Variants in MYO5B observed in about 807,000 individuals in gnomAD.
MYO5B encodes unconventional myosin-Vb.
A neutral mutation model predicts 229.3 loss-of-function variants in MYO5B; 143 were observed. That is an observed-to-expected ratio of 0.62 (90% CI 0.54 to 0.72). The LOEUF (loss-of-function observed/expected upper bound fraction) is 0.72, where lower values mean the gene tolerates loss of function less well. MYO5B is among the 30% of genes least tolerant of loss of function. The pLI is 0.00. For synonymous variants in MYO5B, 918 were observed against 885.2 expected, an observed-to-expected ratio of 1.04 and a Z score of -0.66; for missense variants, 2,321 against 2,331.0, an observed-to-expected ratio of 1.00 and a Z score of 0.09.
chr18:50,007,571 G>C (rs1181103889), intron 4 of MYO5B, among the ~76,000 whole-genome samples: 2 of 152,140 alleles, frequency 1.3e-5, no homozygotes, highest in African/African-American at 4.8e-5. Flanking sequence ...GGCCCTGGGG[G>C]ACCGAGCACC....
intron 30 of MYO5B, among the ~76,000 whole-genome samples, chr18:49,856,091 C>A (rs1371306195): frequency 1.3e-5 from 2 of 152,248 alleles, no homozygotes; most frequent in Non-Finnish European, 2.9e-5. Context: ...TTGCTGCATG[C>A]CTACCCTGTC....
At chr18:49,928,489 C>G (rs1056559457) in intron 17 of MYO5B, among the ~76,000 whole-genome samples, 1 of 152,120 alleles carries the variant, frequency 6.6e-6, no homozygotes, top group Non-Finnish European at 1.5e-5. Flanking sequence ...ACTAAAAATA[C>G]AAAAATTAGC....
At chr18:50,132,167 C>A (rs1204725007) in intron 1 of MYO5B, among the ~76,000 whole-genome samples, 1 of 152,200 alleles carries the variant, frequency 6.6e-6, no homozygotes, top group African/African-American at 2.4e-5. Flanking sequence ...CATTATCCCC[C>A]AAACCCTCAC....
At chr18:50,134,448 G>T (rs905538810) in intron 1 of MYO5B, among the ~76,000 whole-genome samples, 1 of 151,800 alleles carries the variant, frequency 6.6e-6, no homozygotes, top group Non-Finnish European at 1.5e-5. Context: ...CCAGCTACTC[G>T]GGAGGCTGAG....
chr18:50,106,310 T>C (rs78268095), intron 1 of MYO5B, among the ~76,000 whole-genome samples: 6 of 152,154 alleles, frequency 3.9e-5, no homozygotes. Context: ...TTCTCCTTAC[T>C]GCAGCCAAAG....
intron 1 of MYO5B, among the ~76,000 whole-genome samples, chr18:50,079,841 C>A (rs1336914676): frequency 6.6e-6 from 1 of 152,154 alleles, no homozygotes; most frequent in African/African-American, 2.4e-5. Context: ...TGCCTGCCTG[C>A]CCTCCTTAAT....
intron 1 of MYO5B, 117 bp downstream of exon 1, chr18:50,194,650 G>A (rs1438695321): frequency 4.4e-6 from 3 of 678,914 alleles, no homozygotes; most frequent in East Asian, 3.3e-5. Flanking sequence ...CACCGCGGAG[G>A]GGGGTCTCCC....
intron 10 of MYO5B, among the ~76,000 whole-genome samples, chr18:49,967,843 G>C (rs1303335521): frequency 6.6e-6 from 1 of 150,660 alleles, no homozygotes. Flanking sequence ...TCTGTGCCTA[G>C]ATGCCCCCAC....
At chr18:50,056,368 T>C (rs956520403) in intron 1 of MYO5B, among the ~76,000 whole-genome samples, 2 of 152,180 alleles carry the variant, frequency 1.3e-5, no homozygotes, top group African/African-American at 4.8e-5. Flanking sequence ...ACATAAAAGC[T>C]CCCAGAGACA....
rs114256115 is a variant in MYO5B, at chr18:50,119,336, G to A, written c.28-63958C>T. ...TACCCTACAGGTTTCACATCCTTCA[G>A]CTTCCTATTCTTGTAATCCTCAACA... On this transcript the variant is annotated intron_variant, in intron 1 of 39. Coordinates refer to ENST00000285039, the MANE Select transcript of MYO5B (RefSeq NM_001080467.3). Among the ~76,000 whole-genome samples, 851 of 152,274 alleles carry A rather than the reference G, an allele frequency of 5.6e-3. 11 individuals are homozygous for A. The highest frequency in any genetic ancestry group is 0.02 in the African/African-American group (825 of 41,540).
intron 4 of MYO5B, among the ~76,000 whole-genome samples, chr18:50,018,725 C>T (rs1458841106): frequency 1.3e-5 from 2 of 152,172 alleles, no homozygotes; most frequent in African/African-American, 4.8e-5. Context: ...TCTAAGCTAT[C>T]ACATCACACT....
At chr18:49,975,968 T>G (rs2000900) in intron 9 of MYO5B, among the ~76,000 whole-genome samples, 132,393 of 152,218 alleles carry the variant, frequency 0.87, 60,377 homozygotes, top group Non-Finnish European at 1. Context: ...TTCACCAAAA[T>G]GTACAAATTC....
chr18:50,183,517 T>C (rs760343264), intron 1 of MYO5B, among the ~76,000 whole-genome samples: 10 of 151,622 alleles, frequency 6.6e-5, no homozygotes, highest in Non-Finnish European at 1.3e-4. Flanking sequence ...AAAATGCCTA[T>C]TAAAGTGTCA....
Position 49,826,118 on chromosome 18 carries a change from T to C in MYO5B, c.*353A>G. On this transcript the variant is annotated 3_prime_UTR_variant, in exon 40 of 40. Transcript: ENST00000285039. ...CTTATATATATTTGGTATTTTAATT[T>C]GGACATTCTCTAGTTCTATGCAAAG... is the stretch of plus-strand genomic sequence containing the variant. 6.9e-6 allele frequency: 2 copies of C among 288,694 alleles called. No individual in the cohort carries two copies. The highest frequency in any genetic ancestry group is 7.7e-5 in the South Asian group (2 of 25,862). The allele number at this position is 288,694 out of a possible 1,614,324, so 17.9% of individuals were successfully genotyped here. A position where few individuals can be genotyped will look rare whatever the true frequency, so the allele number is the denominator to read the frequency against.
intron 1 of MYO5B, among the ~76,000 whole-genome samples, chr18:50,163,146 T>G (rs2144322670): frequency 6.6e-6 from 1 of 152,340 alleles, no homozygotes; most frequent in Non-Finnish European, 1.5e-5. Context: ...ATTCATGACC[T>G]CATGTAGACA....
At chr18:50,114,626 C>A (rs779938345) in intron 1 of MYO5B, among the ~76,000 whole-genome samples, 42 of 152,318 alleles carry the variant, frequency 2.8e-4, no homozygotes, top group African/African-American at 9.6e-4. Context: ...CAGCTGACTC[C>A]GTCAGAGCCT....
chr18:50,108,688 T>C (rs72917900), intron 1 of MYO5B, among the ~76,000 whole-genome samples: 20,822 of 152,164 alleles, frequency 0.14, 1,507 homozygotes, highest in East Asian at 0.23. Context: ...TAAGGAGGTA[T>C]GCAGCAATTA....
chr18:49,861,508 T>G (rs1376011269), intron 29 of MYO5B, among the ~76,000 whole-genome samples: 1 of 152,236 alleles, frequency 6.6e-6, no homozygotes, highest in African/African-American at 2.4e-5. Flanking sequence ...TTAAAATGAC[T>G]AAATCTTGAC....
intron 1 of MYO5B, among the ~76,000 whole-genome samples, chr18:50,134,441 G>C (rs1670147454): frequency 1.3e-5 from 2 of 151,946 alleles, no homozygotes; most frequent in Admixed American, 6.6e-5. Context: ...TGTAATCCCA[G>C]CTACTCGGGA....
Sources: allele counts gnomAD v4.1 joint callset (sites outside exome capture counted in the v4.1 genomes callset), GRCh38; gene constraint gnomAD v4.1.1; transcripts MANE v1.5; gene names NCBI Gene and HGNC (gene_info 2026-07-23, HGNC 2026-07-21).